The following LCN8 variants were observed in gnomAD, a reference collection of about 807,000 sequenced individuals.
LCN8 encodes epididymal-specific lipocalin-8.
LCN8 carries 16 observed loss-of-function variants against 22.8 expected under a neutral mutation model. The ratio of observed to expected loss-of-function variants is 0.70; its 90% CI spans 0.47 to 1.06. The LOEUF (loss-of-function observed/expected upper bound fraction) is 1.06, where lower values mean the gene tolerates loss of function less well. Ranked by LOEUF, LCN8 falls within the 50% of genes least tolerant of loss-of-function variation. LCN8 has a pLI of 0.00. For synonymous variants in LCN8, 92 were observed against 83.4 expected (o/e 1.10, Z -0.56); for missense variants, 189 against 203.3 (o/e 0.93, Z 0.43).
intron 6 of LCN8, 115 bp downstream of exon 6, chr9:136,755,020 G>A (rs1472746718): frequency 2.2e-5 from 32 of 1,438,950 alleles, no homozygotes; most frequent in Non-Finnish European, 2.9e-5. Context: ...AGGAAGGGGT[G>A]AGAAGGCCCA....
In LCN8 at chr9:136,757,914, C is replaced by G. The variant is rs768667904; in HGVS notation, c.17G>C (p.Arg6Pro). 1 of 1,613,622 alleles carries G rather than the reference C, an allele frequency of 6.2e-7. No individual in the cohort carries two copies. The highest frequency in any genetic ancestry group is 8.5e-7 in the Non-Finnish European group (1 of 1,179,968). The part of the protein sequence containing the change: MEELD[R>P]QKIGGFWREV... ...CTAAGAAGGAGAAGCCACCTTCTGC[C>G]GGTCCAGCTCCTCCATGGCTGCTGC... The change falls in exon 1 of 7, where the codon CGG becomes CCG. Residue 6 changes from arginine to proline, a missense_variant. Physicochemically the swap from Arg to Pro is moderately radical, Grantham distance 103. Transcript: ENST00000371688.
chr9:136,757,414 G>A (rs564780371), intron 1 of LCN8: 12 of 1,413,014 alleles, frequency 8.5e-6, no homozygotes, highest in South Asian at 1.5e-5. Flanking sequence ...GGGCCATCTA[G>A]AGCTGCGGAA....
chr9:136,757,974 A>G lies in LCN8; in HGVS notation c.-44T>C. 1 of 1,611,270 alleles carries G rather than the reference A, an allele frequency of 6.2e-7. No homozygotes were observed. The highest frequency in any genetic ancestry group is 8.5e-7 in the Non-Finnish European group (1 of 1,179,448). On this transcript the variant is annotated 5_prime_UTR_variant, in exon 1 of 7. Transcript: ENST00000371688. ...CCGGAGCACCACGAGGACACCCAGG[A>G]TGGTGCACGGCAGCCTGGCCTCCGT... is the stretch of plus-strand genomic sequence containing the variant.
upstream of LCN8, chr9:136,758,504 T>C (rs1847260264): frequency 1.0e-6 from 1 of 990,752 alleles, no homozygotes; most frequent in South Asian, 4.6e-5. Context: ...GCGACCAGAG[T>C]GACAGTGACA....
In LCN8 at chr9:136,756,592, G is replaced by A; in HGVS notation, c.156C>T (p.Ser52=). ...SNLTVKVAYN[S]SGSCEIEKIV... ...TCTTCTCTATCTCACAGCTTCCTGA[G>A]CTGAAAGGCAGCAAAGTGCCCATCG... Residue 52 remains serine (S), a splice_region_variant and synonymous_variant, in exon 3 of 7, where the codon AGC becomes AGT. Transcript: ENST00000371688. The A allele has an allele frequency of 6.2e-7, 1 of 1,613,044 alleles. No homozygotes were observed. The highest frequency in any genetic ancestry group is 8.5e-7 in the Non-Finnish European group (1 of 1,179,338).
At chr9:136,757,490 AC>A (rs1847236298) in intron 1 of LCN8, 1 of 1,351,562 alleles carries the variant, frequency 7.4e-7, no homozygotes, top group Non-Finnish European at 9.5e-7. Context: ...CGGAGGCAGG[AC>A]CCAGGAGCAG....
At chr9:136,756,497 G>T (rs931363038) in intron 3 of LCN8, 25 bp downstream of exon 3, 2 of 1,614,006 alleles carry the variant, frequency 1.2e-6, no homozygotes, top group African/African-American at 1.3e-5. Flanking sequence ...GGTTCCACCT[G>T]CCATCACAGG....
chr9:136,758,054 G>A lies in LCN8; in HGVS notation c.-124C>T, dbSNP rs970705279. ...TGCACAGCCTGGGCCGATTCTATAC[G>A]GACAGTGCAGGCTTGTGCGCCCACC... On this transcript the variant is annotated 5_prime_UTR_variant, in exon 1 of 7. Transcript: ENST00000371688. The A allele has an allele frequency of 1.9e-5, 29 of 1,537,652 alleles. No individual in the cohort carries two copies. The highest frequency in any genetic ancestry group is 2.3e-4 in the Middle Eastern group (1 of 4,376).
Position 136,756,105 on chromosome 9 carries a change from C to A in LCN8, c.226+417G>T, listed in dbSNP as rs1312425498. The A allele has an allele frequency of 5.4e-6, 6 of 1,110,002 alleles. No homozygotes were observed. The South Asian group carries it at 6.6e-5, about 12-fold the overall frequency. The allele number at this position is 1,110,002 out of a possible 1,614,324, so 68.8% of individuals were successfully genotyped here. On this transcript the variant is annotated intron_variant, in intron 3 of 6. Coordinates refer to ENST00000371688, the MANE Select transcript of LCN8 (RefSeq NM_178469.4). ...GCAGGGAACAGCATGGGGAACAGTGCAGGGAACAGCATGGGGAACAGCGCA... is the reference window on the plus strand; with the variant it reads ...GCAGGGAACAGCATGGGGAACAGTGAAGGGAACAGCATGGGGAACAGCGCA...
rs1477492130 is a variant in LCN8, at chr9:136,758,195, C to T, written c.-265G>A. On this transcript the variant is annotated 5_prime_UTR_variant, in exon 1 of 7. Transcript: ENST00000371688. ...ACCGCAGGGGTTAGCCTGGCCTAGA[C>T]AGCAGCCTGCCCAGCCACCCTCCTG... 1.4e-6 allele frequency: 2 copies of T among 1,389,550 alleles called. No homozygotes were observed. Among genetic ancestry groups the T allele is most frequent in the East Asian group, 2.6e-5 (1 of 38,404 alleles). The allele number at this position is 1,389,550 out of a possible 1,614,324, so 86.1% of individuals were successfully genotyped here.
intron 1 of LCN8, chr9:136,757,576 C>T: frequency 7.2e-7 from 1 of 1,389,614 alleles, no homozygotes; most frequent in South Asian, 1.6e-5. Context: ...GGTAGCGCAG[C>T]TCGCCAGCCT....
At chr9:136,755,026 G>A in intron 6 of LCN8, 109 bp downstream of exon 6, 1 of 1,440,840 alleles carries the variant, frequency 6.9e-7, no homozygotes, top group Non-Finnish European at 9.1e-7. Flanking sequence ...GGGTGAGAAG[G>A]CCCAGCCCAG....
At chr9:136,756,276 GAACAGCATGGGGAATAGTGCAGGA>G (rs1396771899) in intron 3 of LCN8, 5 of 1,479,700 alleles carry the variant, frequency 3.4e-6, no homozygotes, top group South Asian at 1.2e-5. Flanking sequence ...AAAGTGCAGG[GAACAGCATGGGGAATAGTGCAGGA>G]AACAGCATGT....
chr9:136,757,916 G>A lies in LCN8; in HGVS notation c.15C>T (p.Asp5=). Reference sequence around the variant, plus strand: ...AAGAAGGAGAAGCCACCTTCTGCCGGTCCAGCTCCTCCATGGCTGCTGCCA... The same window carrying A: ...AAGAAGGAGAAGCCACCTTCTGCCGATCCAGCTCCTCCATGGCTGCTGCCA... MEEL[D]RQKIGGFWRE... Residue 5 remains aspartate (D), a synonymous_variant, in exon 1 of 7, where the codon GAC becomes GAT. Transcript: ENST00000371688. 1.2e-6 allele frequency: 2 copies of A among 1,613,700 alleles called. No homozygotes were observed. The highest frequency in any genetic ancestry group is 1.7e-6 in the Non-Finnish European group (2 of 1,179,964).
Position 136,754,493 on chromosome 9 carries a change from C to G in LCN8, c.*5G>C. The G allele has an allele frequency of 6.4e-7, 1 of 1,556,826 alleles. No homozygotes were observed. Among genetic ancestry groups the G allele is most frequent in the Non-Finnish European group, 8.7e-7 (1 of 1,149,796 alleles). ...CGAACCTTGTGGTCTGAGGCAGGAA[C>G]TCCATTAAATCAGCTCCTGCGACAC... On this transcript the variant is annotated 3_prime_UTR_variant, in exon 7 of 7. Transcript: ENST00000371688.
chr9:136,755,855 A>G (rs1165860990), intron 3 of LCN8: 2 of 1,118,278 alleles, frequency 1.8e-6, no homozygotes, highest in South Asian at 1.7e-5. Context: ...GGAACGGCAC[A>G]GAGAAAAGTG....
chr9:136,754,425 G>C lies in LCN8; in HGVS notation c.*73C>G. 2.6e-6 allele frequency: 4 copies of C among 1,545,338 alleles called. No homozygotes were observed. The South Asian group carries it at 3.6e-5, about 14-fold the overall frequency. ...TATTCAGAGCAGGTGCAGGTGACCT[G>C]GTGGGCAGGGTGCCCAGGAGGGGCA... On this transcript the variant is annotated 3_prime_UTR_variant, in exon 7 of 7. Transcript: ENST00000371688.
In LCN8 at chr9:136,757,985, C is replaced by T; in HGVS notation, c.-55G>A. The T allele has an allele frequency of 6.2e-7, 1 of 1,608,236 alleles. No individual in the cohort carries two copies. The highest frequency in any genetic ancestry group is 8.5e-7 in the Non-Finnish European group (1 of 1,178,292). ...CGAGGACACCCAGGATGGTGCACGGCAGCCTGGCCTCCGTGGCGGGGTCCG... is the reference window on the plus strand; with the variant it reads ...CGAGGACACCCAGGATGGTGCACGGTAGCCTGGCCTCCGTGGCGGGGTCCG... On this transcript the variant is annotated 5_prime_UTR_variant, in exon 1 of 7. Transcript: ENST00000371688.
chr9:136,756,916 G>A, intron 2 of LCN8, 122 bp downstream of exon 2: 1 of 1,176,478 alleles, frequency 8.5e-7, no homozygotes, highest in Admixed American at 2.3e-5. Flanking sequence ...GGCACCGGGA[G>A]TGCTGGCCCA....
Sources: gnomAD v4.1 joint callset for allele counts on GRCh38, gnomAD v4.1.1 for gene constraint, MANE v1.5 for transcripts, NCBI Gene and HGNC (gene_info 2026-07-23, HGNC 2026-07-21) for gene names.